The following TNFRSF1B variants were observed in gnomAD, a reference collection of about 807,000 sequenced individuals.
TNFRSF1B encodes the protein tumor necrosis factor receptor superfamily member 1B.
In TNFRSF1B, 19 loss-of-function variants were observed where a neutral mutation model predicts 44.6. The observed-to-expected ratio is 0.43, with a 90% confidence interval of 0.30 to 0.62. The LOEUF (loss-of-function observed/expected upper bound fraction) is 0.62, where lower values mean the gene tolerates loss of function less well. Among genes scored for constraint, TNFRSF1B ranks in the 20% least tolerant of loss-of-function variants. TNFRSF1B has a pLI of 0.16. For missense variants in TNFRSF1B, 541 were observed against 619.9 expected (o/e 0.87, Z 1.35); for synonymous variants, 252 against 261.1 (o/e 0.97, Z 0.34).
At chr1:12,190,724 G>A (rs527627338) in intron 2 of TNFRSF1B, among the ~76,000 whole-genome samples, 13 of 152,174 alleles carry the variant, frequency 8.5e-5, no homozygotes, top group African/African-American at 3.1e-4. Context: ...AGTGGTGGAG[G>A]TTCAAGCATC....
intron 1 of TNFRSF1B, among the ~76,000 whole-genome samples, chr1:12,183,752 G>GCTAT (rs1638900884): frequency 4.9e-5 from 3 of 60,930 alleles, no homozygotes; most frequent in East Asian, 5.8e-4. Flanking sequence ...TATCTATCTA[G>GCTAT]CTAGCTAGCT....
chr1:12,167,005 G>C lies in TNFRSF1B; in HGVS notation c.-87G>C. 1 of 1,025,084 alleles carries C rather than the reference G, an allele frequency of 9.8e-7. No individual in the cohort carries two copies. Among genetic ancestry groups the C allele is most frequent in the South Asian group, 3.8e-5 (1 of 26,262 alleles). The allele number at this position is 1,025,084 out of a possible 1,614,324, so 63.5% of individuals were successfully genotyped here. A position where few individuals can be genotyped will look rare whatever the true frequency, so the allele number is the denominator to read the frequency against. On this transcript the variant is annotated 5_prime_UTR_variant, in exon 1 of 10. Transcript: ENST00000376259. ...CTTTCGCTTTCAGTCGAGGGCTAGCGAGCGCAGCGGAGCCTGGAGAGAAGG... is the reference window on the plus strand; with the variant it reads ...CTTTCGCTTTCAGTCGAGGGCTAGCCAGCGCAGCGGAGCCTGGAGAGAAGG...
rs551473542 is a variant in TNFRSF1B at position 12,207,242 on chromosome 1, C to T, written c.*222C>T. 9.0e-6 allele frequency: 4 copies of T among 443,346 alleles called. No individual in the cohort carries two copies. Among genetic ancestry groups the T allele is most frequent in the Non-Finnish European group, 1.6e-5 (4 of 256,764 alleles). The allele number at this position is 443,346 out of a possible 1,614,324, so 27.5% of individuals were successfully genotyped here. On this transcript the variant is annotated 3_prime_UTR_variant, in exon 10 of 10. Coordinates refer to ENST00000376259, the MANE Select transcript of TNFRSF1B (RefSeq NM_001066.3). ...AAGCCTCTGCTGCCATGGCGTGTCC[C>T]TCTCGGAAGGCTGGCTGGGCATGGA...
At chr1:12,195,088 C>G (rs1041615645) in intron 8 of TNFRSF1B, among the ~76,000 whole-genome samples, 1 of 152,316 alleles carries the variant, frequency 6.6e-6, no homozygotes. Context: ...ACAGAGGGCC[C>G]TTGGGCGTGG....
At chr1:12,197,703 G>C (rs1639295449) in intron 8 of TNFRSF1B, among the ~76,000 whole-genome samples, 1 of 152,194 alleles carries the variant, frequency 6.6e-6, no homozygotes. Context: ...CTCCTGATAA[G>C]AGGCCAGTGG....
rs545804848 is a variant in TNFRSF1B, at chr1:12,187,307, C to T, written c.79-1489C>T. 1.3e-5 allele frequency among the ~76,000 whole-genome samples: 2 copies of T among 152,268 alleles called. No individual in the cohort carries two copies. Among genetic ancestry groups the T allele is most frequent in the African/African-American group, 4.8e-5 (2 of 41,550 alleles). On this transcript the variant is annotated intron_variant, in intron 1 of 9. Coordinates refer to ENST00000376259, the MANE Select transcript of TNFRSF1B (RefSeq NM_001066.3). The surrounding 1 kb of genome is among the most constrained non-coding windows in gnomAD (Gnocchi z 5.5). ...TAGCTGGGATTACAGGCACACGCCA[C>T]TATGCCGGGATAATTTTGTATTTTT...
At position 12,199,019 on chromosome 1, in the gene TNFRSF1B, T is replaced by C. The variant is rs983986036; in HGVS notation, c.901-2948T>C. 1.3e-5 allele frequency among the ~76,000 whole-genome samples: 2 copies of C among 152,102 alleles called. No individual in the cohort carries two copies. The highest frequency in any genetic ancestry group is 2.4e-5 in the African/African-American group (1 of 41,420). On this transcript the variant is annotated intron_variant, in intron 8 of 9. Transcript: ENST00000376259. The surrounding 1 kb of genome is among the most constrained non-coding windows in gnomAD (Gnocchi z 4.0). ...TGGGATCCTGTGTTTTGAATGAGGC[T>C]CCTCAGTACTCGGCTCTACTGGGGT... is the stretch of plus-strand genomic sequence containing the variant.
chr1:12,168,179 G>A lies in TNFRSF1B; in HGVS notation c.78+1010G>A, dbSNP rs1462396097. Among the ~76,000 whole-genome samples, 1 of 152,250 alleles carries A rather than the reference G, an allele frequency of 6.6e-6. No individual in the cohort carries two copies. The highest frequency in any genetic ancestry group is 1.9e-4 in the East Asian group (1 of 5,196). Reference sequence around the variant, plus strand: ...GGCCCCTGTGCCCTGAGGCTGCGGGGAAGGTGGGCGTTCATCCTTCCTCAG... The same window carrying A: ...GGCCCCTGTGCCCTGAGGCTGCGGGAAAGGTGGGCGTTCATCCTTCCTCAG... On this transcript the variant is annotated intron_variant, in intron 1 of 9. Transcript: ENST00000376259. The surrounding 1 kb of genome is among the most constrained non-coding windows in gnomAD (Gnocchi z 4.7).
intron 8 of TNFRSF1B, among the ~76,000 whole-genome samples, chr1:12,201,358 C>G (rs1333720377): frequency 6.6e-6 from 1 of 150,736 alleles, no homozygotes; most frequent in Non-Finnish European, 1.5e-5. Context: ...TTAACAAACT[C>G]TTGTATGGAG....
chr1:12,176,284 G>C (rs1638654663), intron 1 of TNFRSF1B, among the ~76,000 whole-genome samples: 1 of 152,192 alleles, frequency 6.6e-6, no homozygotes, highest in African/African-American at 2.4e-5. Flanking sequence ...TGTCCCAGCT[G>C]TCCTAGCTGG....
intron 3 of TNFRSF1B, 145 bp from the exon 4 acceptor site, chr1:12,191,629 C>A: frequency 1.0e-6 from 1 of 952,900 alleles, no homozygotes; most frequent in Admixed American, 2.1e-5. Context: ...CCCCTGGACT[C>A]TGGCCGGTGT....
chr1:12,205,094 C>G (rs1639473924), intron 9 of TNFRSF1B, among the ~76,000 whole-genome samples: 1 of 151,988 alleles, frequency 6.6e-6, no homozygotes, highest in Non-Finnish European at 1.5e-5. Flanking sequence ...CTCTGGAGAT[C>G]AGGAGATCAC....
chr1:12,182,900 T>C (rs966945536), intron 1 of TNFRSF1B, among the ~76,000 whole-genome samples: 48 of 152,144 alleles, frequency 3.2e-4, no homozygotes, highest in African/African-American at 1.1e-3. Flanking sequence ...CCATTCAGCT[T>C]TGGGGCCCTT....
chr1:12,188,270 C>A (rs1408947851), intron 1 of TNFRSF1B, among the ~76,000 whole-genome samples: 1 of 152,138 alleles, frequency 6.6e-6, no homozygotes, highest in Non-Finnish European at 1.5e-5. Flanking sequence ...AATGAGATGA[C>A]TGTTAGAGGG....
chr1:12,206,894 G>C lies in TNFRSF1B; in HGVS notation c.1260G>C (p.Gln420His), dbSNP rs754452683. The stretch of plus-strand genomic sequence containing the variant: ...CCTCGGAGTCCCCGAAGGACGAGCA[G>C]GTCCCCTTCTCCAAGGAGGAATGTG... The part of the protein sequence containing the change: ...SSPSESPKDE[Q>H]VPFSKEECAF... Residue 420 changes from glutamine to histidine, a missense_variant, in exon 10 of 10, where the codon CAG becomes CAC. Coordinates refer to ENST00000376259, the MANE Select transcript of TNFRSF1B (RefSeq NM_001066.3). 6 of 1,614,134 alleles carry C rather than the reference G, an allele frequency of 3.7e-6. No individual in the cohort carries two copies. The African/African-American group carries it at 8.0e-5, about 22-fold the overall frequency.
At position 12,187,414 on chromosome 1, in the gene TNFRSF1B, AAGT is replaced by A. The variant is rs1170397525; in HGVS notation, c.79-1381_79-1379del. On this transcript the variant is annotated intron_variant, in intron 1 of 9. Coordinates refer to ENST00000376259, the MANE Select transcript of TNFRSF1B (RefSeq NM_001066.3). The surrounding 1 kb of genome is among the most constrained non-coding windows in gnomAD (Gnocchi z 5.5). The stretch of plus-strand genomic sequence containing the variant: ...GTGATCCACCTGCTTCGGCCTCCCA[AAGT>A]GCTGGGATTACAGGTGTGAGCCACC... 6.6e-6 allele frequency among the ~76,000 whole-genome samples: 1 copy of A among 152,022 alleles called. No homozygotes were observed. Among genetic ancestry groups the A allele is most frequent in the Non-Finnish European group, 1.5e-5 (1 of 67,980 alleles).
chr1:12,170,965 T>C (rs910594190), intron 1 of TNFRSF1B, among the ~76,000 whole-genome samples: 2 of 151,108 alleles, frequency 1.3e-5, no homozygotes, highest in Non-Finnish European at 2.9e-5. Flanking sequence ...CATGTGCCAC[T>C]GTGCCTGGCC....
intron 1 of TNFRSF1B, among the ~76,000 whole-genome samples, chr1:12,184,450 G>A (rs2101095520): frequency 6.6e-6 from 1 of 152,238 alleles, no homozygotes; most frequent in African/African-American, 2.4e-5. Context: ...CAGAGCCAGG[G>A]AGGAAGTCCT....
At chr1:12,204,108 C>T (rs939054159) in intron 9 of TNFRSF1B, among the ~76,000 whole-genome samples, 3 of 152,086 alleles carry the variant, frequency 2.0e-5, no homozygotes, top group Non-Finnish European at 2.9e-5. Context: ...GTCTGCCCTC[C>T]CCTCTCCCCT....
Sources: gnomAD v4.1 joint callset for allele counts (sites outside exome capture counted in the v4.1 genomes callset) on GRCh38, gnomAD v4.1.1 for gene constraint, Gnocchi (gnomAD v3.1) non-coding constraint, MANE v1.5 for transcripts, NCBI Gene and HGNC (gene_info 2026-07-23, HGNC 2026-07-21) for gene names.